RBMS3: variants seen among roughly 807,000 people sequenced by gnomAD.
The protein encoded by RBMS3 is RNA binding motif single stranded interacting protein 3.
Under a neutral mutation model 66.8 loss-of-function variants are expected in RBMS3, and 27 were observed. The observed-to-expected ratio is 0.40, with a 90% CI of 0.30 to 0.56. RBMS3 has a LOEUF of 0.56. Among genes scored for constraint, RBMS3 ranks in the 20% least tolerant of loss-of-function variants. The pLI, the probability that RBMS3 is intolerant of heterozygous loss-of-function variation, is 0.40. For missense variants in RBMS3, 513 were observed against 549.5 expected (o/e 0.93, Z 0.66); for synonymous variants, 188 against 183.0 (o/e 1.03, Z -0.22).
chr3:29,500,418 AATAT>A (rs955102153), intron 3 of RBMS3, among the ~76,000 whole-genome samples: 2 of 148,406 alleles, frequency 1.3e-5, no homozygotes, highest in African/African-American at 4.9e-5. Context: ...GTGAAATATA[AATAT>A]ATATATATAA....
intron 4 of RBMS3, among the ~76,000 whole-genome samples, chr3:29,623,295 T>G (rs1178211722): frequency 6.6e-6 from 1 of 151,518 alleles, no homozygotes; most frequent in African/African-American, 2.4e-5. Context: ...GTAAACATTA[T>G]AAAAGTATAA....
intron 1 of RBMS3, among the ~76,000 whole-genome samples, chr3:29,377,259 G>T (rs572763770): frequency 3.3e-5 from 5 of 152,140 alleles, no homozygotes; most frequent in South Asian, 4.2e-4. Flanking sequence ...AAAGCAGGGG[G>T]ACTTCAGGGA....
At chr3:29,697,141 C>T (rs550275667) in intron 4 of RBMS3, 11 of 976,788 alleles carry the variant, frequency 1.1e-5, no homozygotes, top group Admixed American at 6.1e-5. Context: ...ATTTCTTATA[C>T]AGTAATATGG....
At chr3:29,997,305 T>C (rs201597829) in intron 14 of RBMS3, among the ~76,000 whole-genome samples, 11,225 of 148,292 alleles carry the variant, frequency 0.076, 752 homozygotes, top group South Asian at 0.16. Context: ...GAGTCCAGGA[T>C]CACATGGATT....
chr3:29,943,757 C>T (rs529348241), intron 11 of RBMS3, among the ~76,000 whole-genome samples: 6 of 151,742 alleles, frequency 4.0e-5, no homozygotes, highest in Non-Finnish European at 7.4e-5. Flanking sequence ...TGTTAGCCTC[C>T]ATAGAATATG....
chr3:30,004,534 CTG>C lies in RBMS3; in HGVS notation c.*674_*675del, dbSNP rs1156762566. The stretch of plus-strand genomic sequence containing the variant: ...ATGAGTTTTTAGGGTGAAGAAAAAA[CTG>C]TACAGTTTAAATGAAAATGTTTTTC... On this transcript the variant is annotated 3_prime_UTR_variant, in exon 15 of 15. Coordinates refer to ENST00000383767, the MANE Select transcript of RBMS3 (RefSeq NM_001003793.3). The C allele has an allele frequency of 1.3e-5, 2 of 152,202 alleles. No homozygotes were observed. Among genetic ancestry groups the C allele is most frequent in the East Asian group, 3.9e-4 (2 of 5,158 alleles). 9.4% of individuals were successfully genotyped at this position (152,202 alleles called of 1,614,324 possible).
At chr3:29,978,296 T>G (rs1256058423) in intron 12 of RBMS3, among the ~76,000 whole-genome samples, 1 of 152,160 alleles carries the variant, frequency 6.6e-6, no homozygotes, top group Non-Finnish European at 1.5e-5. Context: ...TTAGAAAGTG[T>G]ATGTCTACCA....
chr3:29,942,589 A>C (rs1026466271), intron 11 of RBMS3, among the ~76,000 whole-genome samples: 2 of 151,784 alleles, frequency 1.3e-5, no homozygotes, highest in Non-Finnish European at 2.9e-5. Context: ...TGTGGAGTTC[A>C]GTATCAACTC....
At chr3:29,511,623 A>T (rs1480602798) in intron 3 of RBMS3, among the ~76,000 whole-genome samples, 1 of 152,200 alleles carries the variant, frequency 6.6e-6, no homozygotes, top group Non-Finnish European at 1.5e-5. Context: ...CAGGCAAAAG[A>T]GTTTGAATCA....
At chr3:29,574,995 CATTT>C (rs1329112636) in intron 3 of RBMS3, among the ~76,000 whole-genome samples, 1 of 152,100 alleles carries the variant, frequency 6.6e-6, no homozygotes, top group African/African-American at 2.4e-5. Flanking sequence ...ATTGGTTCAT[CATTT>C]AGTCTTTCCA....
intron 8 of RBMS3, among the ~76,000 whole-genome samples, chr3:29,890,364 C>A (rs2059971257): frequency 6.6e-6 from 1 of 151,560 alleles, no homozygotes; most frequent in Middle Eastern, 3.2e-3. Flanking sequence ...TATATTATTC[C>A]TCATTCGCAT....
intron 6 of RBMS3, among the ~76,000 whole-genome samples, chr3:29,854,895 G>T (rs2059032389): frequency 6.6e-6 from 1 of 152,122 alleles, no homozygotes; most frequent in Non-Finnish European, 1.5e-5. Context: ...ATTCTAAAAT[G>T]CATCACTGTG....
At chr3:29,513,348 A>ATT (rs2044489328) in intron 3 of RBMS3, among the ~76,000 whole-genome samples, 1 of 152,204 alleles carries the variant, frequency 6.6e-6, no homozygotes, top group South Asian at 2.1e-4. Flanking sequence ...CACTAACCAA[A>ATT]GACCTGAGAA....
intron 6 of RBMS3, among the ~76,000 whole-genome samples, chr3:29,770,082 G>C (rs1171078703): frequency 6.6e-6 from 1 of 151,856 alleles, no homozygotes; most frequent in African/African-American, 2.4e-5. Context: ...TTCTTGAACA[G>C]TGCAATGATG....
chr3:29,343,238 A>G (rs573419945), intron 1 of RBMS3, among the ~76,000 whole-genome samples: 7 of 152,236 alleles, frequency 4.6e-5, no homozygotes, highest in African/African-American at 1.4e-4. Flanking sequence ...ACAAGTGAGT[A>G]TTTGCATAAA....
At chr3:29,683,896 A>G (rs1198546920) in intron 4 of RBMS3, among the ~76,000 whole-genome samples, 1 of 152,220 alleles carries the variant, frequency 6.6e-6, no homozygotes, top group East Asian at 1.9e-4. Flanking sequence ...GACTATCCCC[A>G]GAGCTGCTGG....
intron 1 of RBMS3, among the ~76,000 whole-genome samples, chr3:29,375,656 A>G (rs116782307): frequency 0.045 from 6,925 of 152,324 alleles, 195 homozygotes; most frequent in Middle Eastern, 0.095. Flanking sequence ...GTGTGATACC[A>G]TCTCACAGCA....
At chr3:29,394,292 G>A (rs2039445922) in intron 1 of RBMS3, among the ~76,000 whole-genome samples, 1 of 152,170 alleles carries the variant, frequency 6.6e-6, no homozygotes, top group African/African-American at 2.4e-5. Flanking sequence ...CCACCCCGCA[G>A]GCAGTCAGAC....
At chr3:29,664,840 A>T (rs1302938554) in intron 4 of RBMS3, among the ~76,000 whole-genome samples, 1 of 152,186 alleles carries the variant, frequency 6.6e-6, no homozygotes, top group African/African-American at 2.4e-5. Flanking sequence ...TTATTTCTAA[A>T]CACCAAATAG....
Sources: allele counts gnomAD v4.1 joint callset (sites outside exome capture counted in the v4.1 genomes callset), GRCh38; gene constraint gnomAD v4.1.1; transcripts MANE v1.5; gene names NCBI Gene and HGNC (gene_info 2026-07-23, HGNC 2026-07-21).